REXO4: variants seen among roughly 807,000 people sequenced by gnomAD.
REXO4 encodes the protein REX4 homolog, 3'-5' exonuclease.
REXO4 carries 29 observed loss-of-function variants against 39.9 expected under a neutral mutation model. The observed-to-expected ratio is 0.73, with a 90% confidence interval of 0.54 to 0.99. REXO4 has a LOEUF of 0.99. Among genes scored for constraint, REXO4 ranks in the 50% least tolerant of loss-of-function variants. The pLI, the probability that REXO4 is intolerant of heterozygous loss-of-function variation, is 0.00. For missense variants in REXO4, 524 were observed against 546.5 expected (o/e 0.96, Z 0.41); for synonymous variants, 184 against 206.2 (o/e 0.89, Z 0.92).
Position 133,408,934 on chromosome 9 carries a change from T to TGTGTGTGTG in REXO4, c.1000-93_1000-92insCACACACAC, listed in dbSNP as rs1839064696. ...CCGCCACCTTTTGCAAGTAACATCT[T>TGTGTGTGTG]TGTGTGTGTGTGTGTGTGTGTGTGT... is the stretch of plus-strand genomic sequence containing the variant. On this transcript the variant is annotated intron_variant, in intron 5 of 7. Transcript: ENST00000371942. 4.4e-3 allele frequency: 1,405 copies of TGTGTGTGTG among 321,956 alleles called. 164 individuals carry two copies. Among genetic ancestry groups the TGTGTGTGTG allele is most frequent in the East Asian group, 0.012 (164 of 13,270 alleles). The allele number at this position is 321,956 out of a possible 1,614,324, so 19.9% of individuals were successfully genotyped here. A position where few individuals can be genotyped will look rare whatever the true frequency, so the allele number is the denominator to read the frequency against.
At chr9:133,417,209 G>T (rs1305289273) in intron 1 of REXO4, among the ~76,000 whole-genome samples, 1 of 152,190 alleles carries the variant, frequency 6.6e-6, no homozygotes, top group African/African-American at 2.4e-5. Context: ...TAGACACGGG[G>T]TTTCACCATG....
rs145932568 is a variant in REXO4, at chr9:133,412,208, G to A, written c.910+91C>T. On this transcript the variant is annotated intron_variant, in intron 4 of 7. Transcript: ENST00000371942. The stretch of plus-strand genomic sequence containing the variant: ...AAGACGCATCAAAACCAGCTGCAGT[G>A]AGTGGTCTCAGACAGAAAAGGGAAC... The A allele has an allele frequency of 5.0e-4, 663 of 1,323,200 alleles. 3 individuals carry two copies. The African/African-American group carries it at 7.7e-3, about 15-fold the overall frequency. The allele number at this position is 1,323,200 out of a possible 1,614,324, so 82.0% of individuals were successfully genotyped here.
In REXO4 at chr9:133,412,900, G is replaced by A. The variant is rs143955611; in HGVS notation, c.594C>T (p.Asp198=). The change falls in exon 3 of 8, where the codon GAC becomes GAT. Residue 198 remains aspartate, a synonymous_variant. Transcript: ENST00000371942. ...CAGCTTCGATATCCGCTGGGTCCAC[G>A]TCGTCAAACCAGATGTCTTCCCTAA... ...PPTEEDIWFD[D]VDPADIEAAI... 666 of 1,613,994 alleles carry A rather than the reference G, an allele frequency of 4.1e-4. 1 individual carries two copies. In the African/African-American group the frequency reaches 5.4e-3, roughly 13 times the overall value.
At chr9:133,413,038 A>G (rs1839320917) in intron 2 of REXO4, 117 bp from the exon 3 acceptor site, 2 of 1,158,942 alleles carry the variant, frequency 1.7e-6, no homozygotes, top group Non-Finnish European at 2.4e-6. Flanking sequence ...CCTCTCCCAC[A>G]GGCTGGCCCC....
intron 2 of REXO4, among the ~76,000 whole-genome samples, chr9:133,414,106 C>T (rs1000072422): frequency 9.2e-5 from 14 of 152,210 alleles, no homozygotes; most frequent in African/African-American, 3.1e-4. Context: ...AGTCTTGCTC[C>T]GTCACCCAGG....
chr9:133,414,672 G>A lies in REXO4; in HGVS notation c.565C>T (p.Pro189Ser). 6.2e-7 allele frequency: 1 copy of A among 1,613,752 alleles called. No individual in the cohort carries two copies. Among genetic ancestry groups the A allele is most frequent in the Non-Finnish European group, 8.5e-7 (1 of 1,179,682 alleles). Residue 189 changes from proline (P) to serine (S), a missense_variant, in exon 2 of 8, where the codon CCC becomes TCC. Transcript: ENST00000371942. ...RKAKEAAPAP[P>S]TEEDIWFDDV... ...GAGGTGGCCCATACTTACTCGGTGG[G>A]TGGGGCTGGGGCTGCCTCCTTAGCT...
upstream of REXO4, chr9:133,418,081 C>G: frequency 1.8e-6 from 1 of 543,200 alleles, no homozygotes; most frequent in Non-Finnish European, 3.2e-6. Context: ...CGGATCCCTG[C>G]CTCTGGTTCC....
chr9:133,407,826 T>C lies in REXO4; in HGVS notation c.1130A>G (p.Gln377Arg). The C allele has an allele frequency of 6.2e-7, 1 of 1,613,978 alleles. No individual in the cohort carries two copies. The highest frequency in any genetic ancestry group is 8.5e-7 in the Non-Finnish European group (1 of 1,179,976). Residue 377 changes from glutamine to arginine, a missense_variant, in exon 7 of 8, where the codon CAG becomes CGG. Coordinates refer to ENST00000371942, the MANE Select transcript of REXO4 (RefSeq NM_020385.4). ...LSEKILGLQV[Q>R]QAEHCSIQDA... is the part of the protein sequence containing the mutation. ...ACTTACTGAACAGTGCTCCGCCTGCTGGACCTGGAGCCCAAGGATCTTCTC... is the reference window on the plus strand; with the variant it reads ...ACTTACTGAACAGTGCTCCGCCTGCCGGACCTGGAGCCCAAGGATCTTCTC...
At chr9:133,410,021 G>A (rs4962144) in intron 5 of REXO4, among the ~76,000 whole-genome samples, 8,587 of 152,182 alleles carry the variant, frequency 0.056, 334 homozygotes, top group Non-Finnish European at 0.087. Context: ...CTGCCCGGGG[G>A]GTTCTCACCT....
In REXO4 at chr9:133,406,764, A is replaced by G; in HGVS notation, c.*189T>C. On this transcript the variant is annotated 3_prime_UTR_variant, in exon 8 of 8. Coordinates refer to ENST00000371942, the MANE Select transcript of REXO4 (RefSeq NM_020385.4). ...CATCCGGGCCCAAACACACATGGAC[A>G]GTAAGACCAGGTTTCAGACCACAAA... 2 of 825,706 alleles carry G rather than the reference A, an allele frequency of 2.4e-6. No homozygotes were observed. Among genetic ancestry groups the G allele is most frequent in the African/African-American group, 1.7e-5 (1 of 58,450 alleles). The allele number at this position is 825,706 out of a possible 1,614,324, so 51.1% of individuals were successfully genotyped here. A position where few individuals can be genotyped will look rare whatever the true frequency, so the allele number is the denominator to read the frequency against.
At chr9:133,408,741 A>G in intron 6 of REXO4, 27 bp downstream of exon 6, 1 of 1,464,724 alleles carries the variant, frequency 6.8e-7, no homozygotes, top group Admixed American at 1.8e-5. Context: ...GAAATACAGT[A>G]TCTTGAGTCA....
rs936604440 is a variant in REXO4, at chr9:133,411,025, C to A, written c.959G>T (p.Gly320Val). 1 of 1,614,020 alleles carries A rather than the reference C, an allele frequency of 6.2e-7. No homozygotes were observed. The change falls in exon 5 of 8, where the codon GGC (glycine) becomes GTC (valine). Residue 320 changes from glycine to valine, a missense_variant. Transcript: ENST00000371942. ...CAGAGCGTGCCCCACTAGAATTCTG[C>A]CCTTCAGCATCTCTGCCACTTCCTT... Reference protein sequence around the residue: ...VQKEVAEMLKGRILVGHALHN... With the variant: ...VQKEVAEMLKVRILVGHALHN...
intron 3 of REXO4, 27 bp downstream of exon 3, chr9:133,412,751 A>C: frequency 6.2e-7 from 1 of 1,605,504 alleles, no homozygotes; most frequent in Non-Finnish European, 8.5e-7. Flanking sequence ...CATCCCCAGC[A>C]GACCCCACTC....
At position 133,409,902 on chromosome 9, in the gene REXO4, G is replaced by A. The variant is rs587765874; in HGVS notation, c.1000-1060C>T. Among the ~76,000 whole-genome samples the A allele has an allele frequency of 1.3e-3, 204 of 152,260 alleles. 1 individual carries two copies. Among genetic ancestry groups the A allele is most frequent in the African/African-American group, 4.7e-3 (197 of 41,542 alleles). ...CAAGAAAGACTTGAACATGTGCTGC[G>A]CAAGGTGCCAGGGATGGAGTCAGAG... On this transcript the variant is annotated intron_variant, in intron 5 of 7. Transcript: ENST00000371942.
Position 133,412,278 on chromosome 9 carries a change from C to G in REXO4, c.910+21G>C, listed in dbSNP as rs781971122. The G allele has an allele frequency of 1.9e-6, 3 of 1,610,468 alleles. No individual in the cohort carries two copies. The South Asian group carries it at 3.3e-5, about 18-fold the overall frequency. ...CAGTTACTACTTTCCCTTCTAAGTT[C>G]CTGAGCTGTGGATGACATACCCTGC... is the stretch of plus-strand genomic sequence containing the variant. On this transcript the variant is annotated intron_variant, in intron 4 of 7. Transcript: ENST00000371942.
intron 1 of REXO4, chr9:133,416,028 A>C (rs955449403): frequency 6.6e-6 from 1 of 152,230 alleles, no homozygotes; most frequent in Non-Finnish European, 1.5e-5. Flanking sequence ...GCTATAAAGG[A>C]ATACCTGTGT....
intron 5 of REXO4, among the ~76,000 whole-genome samples, chr9:133,409,558 AT>A (rs1318784449): frequency 6.6e-6 from 1 of 152,036 alleles, no homozygotes. Flanking sequence ...TTAGCATGCA[AT>A]TTTTTGTTTT....
chr9:133,414,570 A>G, intron 2 of REXO4, 95 bp downstream of exon 2: 1 of 1,047,136 alleles, frequency 9.5e-7, no homozygotes, highest in Non-Finnish European at 1.5e-6. Flanking sequence ...AAAGTGATGG[A>G]GAGACTGCGG....
At chr9:133,416,849 T>G (rs1437267862) in intron 1 of REXO4, among the ~76,000 whole-genome samples, 1 of 152,248 alleles carries the variant, frequency 6.6e-6, no homozygotes, top group African/African-American at 2.4e-5. Context: ...GCAACACGCA[T>G]GGCATAGAGC....
Sources: gnomAD v4.1 joint callset for allele counts (sites outside exome capture counted in the v4.1 genomes callset) on GRCh38, gnomAD v4.1.1 for gene constraint, MANE v1.5 for transcripts, NCBI Gene and HGNC (gene_info 2026-07-23, HGNC 2026-07-21) for gene names.